The following CARMIL1 variants were observed in gnomAD, a reference collection of about 807,000 sequenced individuals.
CARMIL1 encodes capping protein regulator and myosin 1 linker 1, also known as F-actin-uncapping protein LRRC16A.
In CARMIL1, 90 loss-of-function variants were observed where a neutral mutation model predicts 177.1. The ratio of observed to expected loss-of-function variants is 0.51; its 90% CI spans 0.43 to 0.61. CARMIL1 has a LOEUF of 0.61. Ranked by LOEUF, CARMIL1 falls within the 20% of genes least tolerant of loss-of-function variation. CARMIL1 has a pLI of 0.00. For missense variants in CARMIL1, 1,380 were observed against 1,667.0 expected (o/e 0.83, Z 3.00); for synonymous variants, 577 against 606.2 (o/e 0.95, Z 0.71).
At chr6:25,375,909 T>G (rs780550757) in intron 2 of CARMIL1, among the ~76,000 whole-genome samples, 2 of 152,222 alleles carry the variant, frequency 1.3e-5, no homozygotes, top group Admixed American at 6.5e-5. Context: ...TCAATTTCTT[T>G]ATGCTGATTT....
chr6:25,407,190 C>T (rs2150610236), intron 2 of CARMIL1, among the ~76,000 whole-genome samples: 1 of 152,198 alleles, frequency 6.6e-6, no homozygotes, highest in African/African-American at 2.4e-5. Flanking sequence ...TATGAAGACA[C>T]TGAGTATGGG....
chr6:25,520,071 C>G (rs1562243302), intron 22 of CARMIL1, among the ~76,000 whole-genome samples, 173 bp from the exon 23 acceptor site: 1 of 152,120 alleles, frequency 6.6e-6, no homozygotes, highest in Non-Finnish European at 1.5e-5. Context: ...GGTATTTGCA[C>G]ATGTGGTTAT....
At chr6:25,604,742 TG>T (rs1562333049) in intron 33 of CARMIL1, 69 bp from the exon 34 acceptor site, 1 of 1,210,604 alleles carries the variant, frequency 8.3e-7, no homozygotes, top group African/African-American at 1.5e-5. Flanking sequence ...ATTTATTATC[TG>T]CATTGTTTTT....
chr6:25,483,850 C>A (rs1802370443), intron 12 of CARMIL1, among the ~76,000 whole-genome samples: 1 of 152,050 alleles, frequency 6.6e-6, no homozygotes, highest in South Asian at 2.1e-4. Context: ...TTATTGCAGC[C>A]TCAACCTCCT....
intron 32 of CARMIL1, among the ~76,000 whole-genome samples, chr6:25,597,385 A>T (rs529880075): frequency 5.6e-4 from 85 of 152,216 alleles, no homozygotes; most frequent in Non-Finnish European, 7.9e-4. Context: ...CTTCATCCTA[A>T]CCATGTAAAT....
chr6:25,528,116 C>T (rs1807344822), intron 23 of CARMIL1, among the ~76,000 whole-genome samples: 1 of 152,034 alleles, frequency 6.6e-6, no homozygotes, highest in Non-Finnish European at 1.5e-5. Flanking sequence ...ATCTAGTTAT[C>T]ATTTATACCT....
intron 2 of CARMIL1, among the ~76,000 whole-genome samples, chr6:25,372,440 C>T (rs533338849): frequency 5.3e-5 from 8 of 152,092 alleles, no homozygotes; most frequent in African/African-American, 1.7e-4. Flanking sequence ...TTTTGTCGTT[C>T]TTGAAGAGAT....
intron 2 of CARMIL1, among the ~76,000 whole-genome samples, chr6:25,296,955 C>T (rs1003393795): frequency 9.2e-4 from 133 of 143,866 alleles, no homozygotes; most frequent in African/African-American, 3.2e-3. Context: ...AACTAACTAA[C>T]TAACTAACTA....
chr6:25,323,404 C>T (rs1290868461), intron 2 of CARMIL1, among the ~76,000 whole-genome samples: 15 of 129,160 alleles, frequency 1.2e-4, no homozygotes, highest in Admixed American at 4.6e-4. Context: ...GGCAACAGAG[C>T]GAGACCCTGT....
At chr6:25,285,021 A>G (rs1781426582) in intron 2 of CARMIL1, 112 bp downstream of exon 2, 1 of 665,848 alleles carries the variant, frequency 1.5e-6, no homozygotes, top group African/African-American at 1.8e-5. Context: ...ATATTGTTCA[A>G]AAGTTCTGAT....
Position 25,465,962 on chromosome 6 carries a change from C to T in CARMIL1, c.690+14C>T. ...GATCTAAAACTGGTAAGTAATCAAA[C>T]ATGCAGCAAATGTTGCTTGGCTTTG... On this transcript the variant is annotated intron_variant, in intron 9 of 36. Transcript: ENST00000329474. 6.3e-7 allele frequency: 1 copy of T among 1,582,452 alleles called. No homozygotes were observed. Among genetic ancestry groups the T allele is most frequent in the African/African-American group, 1.3e-5 (1 of 74,352 alleles).
chr6:25,482,471 T>G (rs1226619932), intron 12 of CARMIL1, 128 bp downstream of exon 12: 1 of 504,748 alleles, frequency 2.0e-6, no homozygotes, highest in Non-Finnish European at 3.4e-6. Flanking sequence ...ATGTATTATA[T>G]TACTCTGGCA....
chr6:25,497,743 C>T (rs1220431226), intron 16 of CARMIL1, among the ~76,000 whole-genome samples: 3 of 152,148 alleles, frequency 2.0e-5, no homozygotes, highest in South Asian at 2.1e-4. Flanking sequence ...TTTGAGACAG[C>T]GCTTTAAGTT....
rs193214480 is a variant in CARMIL1, at chr6:25,479,802, T to G, written c.875-2455T>G. On this transcript the variant is annotated intron_variant, in intron 11 of 36. Coordinates refer to ENST00000329474, the MANE Select transcript of CARMIL1 (RefSeq NM_017640.6). Reference sequence around the variant, plus strand: ...AAATATGTATTTAGGTCTATTGATTTCTCTCTAGGCATGGCTCTAGTTAGA... The same window carrying G: ...AAATATGTATTTAGGTCTATTGATTGCTCTCTAGGCATGGCTCTAGTTAGA... Among the ~76,000 whole-genome samples the G allele has an allele frequency of 5.8e-3, 885 of 152,260 alleles. 9 individuals carry two copies. The highest frequency in any genetic ancestry group is 0.019 in the African/African-American group (789 of 41,582).
At chr6:25,412,369 G>T (rs1794977709) in intron 2 of CARMIL1, among the ~76,000 whole-genome samples, 1 of 152,208 alleles carries the variant, frequency 6.6e-6, no homozygotes, top group African/African-American at 2.4e-5. Flanking sequence ...ATTGCTTGAG[G>T]CTACGAGTTT....
At chr6:25,593,849 C>G (rs1379200947) in intron 31 of CARMIL1, among the ~76,000 whole-genome samples, 1 of 152,188 alleles carries the variant, frequency 6.6e-6, no homozygotes, top group Non-Finnish European at 1.5e-5. Context: ...ATATCCCACT[C>G]CCATGCCTGT....
intron 23 of CARMIL1, among the ~76,000 whole-genome samples, chr6:25,521,393 T>A (rs945895730): frequency 6.6e-5 from 10 of 152,234 alleles, no homozygotes; most frequent in Non-Finnish European, 1.3e-4. Context: ...GTTCTTTATG[T>A]TAGAACTATA....
intron 2 of CARMIL1, among the ~76,000 whole-genome samples, chr6:25,368,088 C>T (rs1053126651): frequency 6.6e-6 from 1 of 152,182 alleles, no homozygotes; most frequent in African/African-American, 2.4e-5. Context: ...GTCAGCTGAA[C>T]TATCAGTAAA....
At chr6:25,548,900 T>C (rs1445102474) in intron 26 of CARMIL1, among the ~76,000 whole-genome samples, 1 of 152,180 alleles carries the variant, frequency 6.6e-6, no homozygotes, top group Non-Finnish European at 1.5e-5. Context: ...AGTTCCCTCA[T>C]CTAAAGTCTA....
Sources: gnomAD v4.1 joint callset for allele counts (sites outside exome capture counted in the v4.1 genomes callset) on GRCh38, gnomAD v4.1.1 for gene constraint, MANE v1.5 for transcripts, NCBI Gene and HGNC (gene_info 2026-07-23, HGNC 2026-07-21) for gene names.